Variants in WDR41 observed in about 807,000 individuals in gnomAD.
The protein encoded by WDR41 is WD repeat domain 41, also known as WD repeat-containing protein 41.
A neutral mutation model predicts 69.3 loss-of-function variants in WDR41; 63 were observed. The observed-to-expected ratio is 0.91, with a 90% CI of 0.74 to 1.12. The LOEUF is 1.12. WDR41 is among the 50% of genes most tolerant of loss of function. The probability of loss-of-function intolerance (pLI) is 0.00; values close to 1 mark genes in which losing one functional copy is unlikely to be tolerated. For missense variants in WDR41, 543 were observed against 534.5 expected, an observed-to-expected ratio of 1.02 and a Z score of -0.16; for synonymous variants, 185 against 192.1, an observed-to-expected ratio of 0.96 and a Z score of 0.31.
intron 1 of WDR41, among the ~76,000 whole-genome samples, chr5:77,540,788 T>C (rs776948971): frequency 1.3e-5 from 2 of 151,618 alleles, no homozygotes; most frequent in Non-Finnish European, 2.9e-5. Context: ...GAAAGAAAAG[T>C]CAAACTGCTG....
chr5:77,598,772 A>G (rs2112320451), intron 1 of WDR41, among the ~76,000 whole-genome samples: 2 of 151,222 alleles, frequency 1.3e-5, no homozygotes. Flanking sequence ...ACAGACAATT[A>G]TGGTTCAATG....
chr5:77,531,941 G>A (rs1209200097), intron 1 of WDR41, among the ~76,000 whole-genome samples: 1 of 151,948 alleles, frequency 6.6e-6, no homozygotes, highest in African/African-American at 2.4e-5. Flanking sequence ...AGTTGCCAGG[G>A]ACTAGGGGGA....
At chr5:77,538,068 T>G (rs1743021970) in intron 1 of WDR41, among the ~76,000 whole-genome samples, 1 of 152,100 alleles carries the variant, frequency 6.6e-6, no homozygotes, top group Non-Finnish European at 1.5e-5. Context: ...CTTTAAATAA[T>G]TTCTCATCAT....
intron 1 of WDR41, among the ~76,000 whole-genome samples, chr5:77,514,968 G>A (rs534714846): frequency 6.6e-6 from 1 of 152,320 alleles, no homozygotes; most frequent in South Asian, 2.1e-4. Context: ...CAGTGAGTGA[G>A]AGGTGAGTGA....
At chr5:77,519,793 T>C (rs1802346161) in intron 1 of WDR41, among the ~76,000 whole-genome samples, 1 of 151,834 alleles carries the variant, frequency 6.6e-6, no homozygotes, top group African/African-American at 2.4e-5. Flanking sequence ...AATTTTTCCT[T>C]ATAACTTTCA....
At chr5:77,507,438 T>A (rs1466230792) in intron 1 of WDR41, among the ~76,000 whole-genome samples, 1 of 152,226 alleles carries the variant, frequency 6.6e-6, no homozygotes, top group Non-Finnish European at 1.5e-5. Context: ...CTATATCTTA[T>A]ACTTGTTGTC....
chr5:77,473,534 T>C (rs1380827782), intron 2 of WDR41, among the ~76,000 whole-genome samples: 2 of 152,098 alleles, frequency 1.3e-5, no homozygotes, highest in East Asian at 1.9e-4. Context: ...AAAATTTTTG[T>C]AATCTACTCA....
chr5:77,449,703 G>C, intron 8 of WDR41, 57 bp downstream of exon 8: 1 of 1,135,962 alleles, frequency 8.8e-7, no homozygotes, highest in East Asian at 2.4e-5. Context: ...CGTGTTCAGA[G>C]CAGGTTGTGT....
At chr5:77,571,267 T>C (rs564540239) in intron 1 of WDR41, among the ~76,000 whole-genome samples, 9 of 152,142 alleles carry the variant, frequency 5.9e-5, no homozygotes, top group African/African-American at 1.9e-4. Context: ...AAATATTGGG[T>C]CATTTTTAAT....
chr5:77,475,783 C>T (rs557571129), intron 2 of WDR41, among the ~76,000 whole-genome samples: 47 of 152,278 alleles, frequency 3.1e-4, no homozygotes, highest in African/African-American at 1.0e-3. Context: ...TCCAAAGGAA[C>T]GCAGTTCCTC....
chr5:77,500,926 A>G (rs1802008790), intron 1 of WDR41, among the ~76,000 whole-genome samples: 1 of 152,226 alleles, frequency 6.6e-6, no homozygotes, highest in Admixed American at 6.5e-5. Flanking sequence ...GACAAATAGG[A>G]GCAGTTCCGG....
At chr5:77,509,271 G>A (rs567166693) in intron 1 of WDR41, among the ~76,000 whole-genome samples, 1 of 152,070 alleles carries the variant, frequency 6.6e-6, no homozygotes, top group African/African-American at 2.4e-5. Flanking sequence ...ATACACAGCT[G>A]TCACCCTGGG....
At chr5:77,458,935 G>T (rs1200825515) in intron 5 of WDR41, 127 bp downstream of exon 5, 1 of 612,546 alleles carries the variant, frequency 1.6e-6, no homozygotes. Context: ...CGAAGCAAAT[G>T]ACTACAAGTG....
chr5:77,582,388 G>C (rs548192366), intron 1 of WDR41: 4 of 1,610,282 alleles, frequency 2.5e-6, no homozygotes, highest in Non-Finnish European at 3.4e-6. Context: ...GGAGGGTGTA[G>C]AAGAGAAGAA....
chr5:77,509,761 CT>C (rs962349490), intron 1 of WDR41, among the ~76,000 whole-genome samples: 3 of 152,144 alleles, frequency 2.0e-5, no homozygotes, highest in African/African-American at 7.2e-5. Context: ...CTAAAATTGA[CT>C]ATGGTAATAG....
chr5:77,432,538 AC>A lies in WDR41; in HGVS notation c.*596del, dbSNP rs1401301208. The A allele has an allele frequency of 2.6e-5, 4 of 152,246 alleles. No individual in the cohort carries two copies. Among genetic ancestry groups the A allele is most frequent in the Non-Finnish European group, 4.4e-5 (3 of 68,040 alleles). The allele number at this position is 152,246 out of a possible 1,614,324, so 9.4% of individuals were successfully genotyped here. ...TTCAAGCCAATTCACACTGGGAAAA[AC>A]ACACCCTCACAAGATGCCTATCCAT... On this transcript the variant is annotated 3_prime_UTR_variant, in exon 13 of 13. Transcript: ENST00000296679.
rs374435941 is a variant in WDR41 at position 77,492,171 on chromosome 5, T to G, written c.50A>C (p.Glu17Ala). Residue 17 changes from glutamate (E) to alanine (A), a missense_variant and splice_region_variant, in exon 1 of 13, where the codon GAG becomes GCG. Physicochemically the swap from Glu to Ala is moderately radical, Grantham distance 107. Transcript: ENST00000296679. ...AGAGCAGACCCACCCGGGGTTTACC[T>G]CGGCCAGTCCCTGCGGTTCTCGGCC... Reference protein sequence around the residue: ...GGGREPQGLAEKSPLQTIGEE... With the variant: ...GGGREPQGLAAKSPLQTIGEE... 29 of 1,611,896 alleles carry G rather than the reference T, an allele frequency of 1.8e-5. No individual in the cohort carries two copies. Among genetic ancestry groups the G allele is most frequent in the African/African-American group, 1.7e-4 (13 of 74,748 alleles).
rs186217797 is a variant in WDR41, at chr5:77,462,301, C to T, written c.348+794G>A. 7.5e-4 allele frequency among the ~76,000 whole-genome samples: 112 copies of T among 149,440 alleles called. 1 individual carries two copies. The South Asian group carries it at 0.016, about 22-fold the overall frequency. On this transcript the variant is annotated intron_variant, in intron 4 of 12. Coordinates refer to ENST00000296679, the MANE Select transcript of WDR41 (RefSeq NM_018268.4). The stretch of plus-strand genomic sequence containing the variant: ...GCACAGGCCTGTAATCCCAGCTACT[C>T]GGGAGTCTGAAGCAGGAGAATCGCT...
chr5:77,537,494 C>T (rs1743008753), intron 1 of WDR41, among the ~76,000 whole-genome samples: 1 of 152,180 alleles, frequency 6.6e-6, no homozygotes, highest in Non-Finnish European at 1.5e-5. Context: ...AATGATTAGA[C>T]AGTTTGAATA....
Sources: gnomAD v4.1 joint callset for allele counts (sites outside exome capture counted in the v4.1 genomes callset) on GRCh38, gnomAD v4.1.1 for gene constraint, MANE v1.5 for transcripts, NCBI Gene and HGNC (gene_info 2026-07-23, HGNC 2026-07-21) for gene names.